RNF180: variants seen among roughly 807,000 people sequenced by gnomAD.
The protein encoded by RNF180 is E3 ubiquitin-protein ligase RNF180.
A neutral mutation model predicts 59.2 loss-of-function variants in RNF180; 38 were observed. The observed-to-expected ratio is 0.64, with a 90% CI of 0.50 to 0.84. RNF180 has a LOEUF of 0.84. Among genes scored for constraint, RNF180 ranks in the 40% least tolerant of loss-of-function variants. RNF180 has a pLI of 0.00. For synonymous variants in RNF180, 262 were observed against 240.3 expected (o/e 1.09, Z -0.84); for missense variants, 705 against 700.9 (o/e 1.01, Z -0.07).
At chr5:64,293,595 G>A (rs931333300) in intron 5 of RNF180, among the ~76,000 whole-genome samples, 3 of 151,812 alleles carry the variant, frequency 2.0e-5, no homozygotes, top group Non-Finnish European at 2.9e-5. Context: ...TAGTAGCTGA[G>A]AATGTAGAAT....
intron 1 of RNF180, among the ~76,000 whole-genome samples, chr5:64,194,178 C>T (rs1026303541): frequency 3.3e-5 from 5 of 152,210 alleles, no homozygotes; most frequent in African/African-American, 1.2e-4. Context: ...CAACAGTCCC[C>T]GGTGTGTGAT....
At chr5:64,186,885 C>T (rs573515650) in intron 1 of RNF180, among the ~76,000 whole-genome samples, 1 of 152,252 alleles carries the variant, frequency 6.6e-6, no homozygotes, top group African/African-American at 2.4e-5. Flanking sequence ...GTACAACTCT[C>T]TTAATTCCGC....
At chr5:64,335,192 G>C (rs1745068948) in intron 7 of RNF180, among the ~76,000 whole-genome samples, 1 of 151,820 alleles carries the variant, frequency 6.6e-6, no homozygotes, top group African/African-American at 2.4e-5. Context: ...ATTTTCTGTT[G>C]GTTGTATTTT....
At chr5:64,309,492 C>G (rs1340280216) in intron 5 of RNF180, among the ~76,000 whole-genome samples, 1 of 151,536 alleles carries the variant, frequency 6.6e-6, no homozygotes. Flanking sequence ...GTTTGTCAGA[C>G]TGTTTTAGCC....
intron 5 of RNF180, among the ~76,000 whole-genome samples, chr5:64,228,319 G>A (rs1051059898): frequency 2.6e-5 from 4 of 152,052 alleles, no homozygotes; most frequent in Non-Finnish European, 5.9e-5. Flanking sequence ...TTCAAGGCCA[G>A]CTGGAGCAAC....
chr5:64,369,508 G>T, intron 7 of RNF180, 107 bp from the exon 8 acceptor site: 2 of 591,604 alleles, frequency 3.4e-6, no homozygotes, highest in Middle Eastern at 6.3e-4. Context: ...ACATAACTCC[G>T]CTCAGTGAAA....
intron 7 of RNF180, among the ~76,000 whole-genome samples, chr5:64,334,115 C>T (rs1057392778): frequency 1.7e-4 from 26 of 152,066 alleles, no homozygotes; most frequent in African/African-American, 6.3e-4. Flanking sequence ...ACAAAAGGCT[C>T]CAGCAGTTTT....
intron 1 of RNF180, among the ~76,000 whole-genome samples, chr5:64,191,613 T>G (rs1220129048): frequency 6.6e-6 from 1 of 152,256 alleles, no homozygotes; most frequent in African/African-American, 2.4e-5. Flanking sequence ...TGTTGTCTAA[T>G]GACTTTAAAG....
chr5:64,189,750 G>A (rs753330877), intron 1 of RNF180, among the ~76,000 whole-genome samples: 51 of 152,274 alleles, frequency 3.3e-4, no homozygotes, highest in Non-Finnish European at 1.9e-4. Flanking sequence ...AGCATGTTTT[G>A]GAGAGGACAC....
intron 5 of RNF180, among the ~76,000 whole-genome samples, chr5:64,228,632 T>C (rs912534689): frequency 2.0e-5 from 3 of 152,190 alleles, no homozygotes; most frequent in African/African-American, 7.2e-5. Flanking sequence ...TTATCACAGA[T>C]GTTATTTTCT....
intron 1 of RNF180, among the ~76,000 whole-genome samples, chr5:64,181,893 T>TG (rs1470396553): frequency 6.6e-6 from 1 of 152,052 alleles, no homozygotes; most frequent in Non-Finnish European, 1.5e-5. Flanking sequence ...CTGCAAATAG[T>TG]GAAATATTTA....
At chr5:64,350,419 C>A (rs1745752120) in intron 7 of RNF180, among the ~76,000 whole-genome samples, 1 of 152,114 alleles carries the variant, frequency 6.6e-6, no homozygotes, top group South Asian at 2.1e-4. Context: ...TTAATTAGAT[C>A]CCATTTGTCA....
chr5:64,267,827 G>GT (rs1744777266), intron 5 of RNF180, among the ~76,000 whole-genome samples: 1 of 152,072 alleles, frequency 6.6e-6, no homozygotes, highest in Non-Finnish European at 1.5e-5. Flanking sequence ...AATGATTAGT[G>GT]TAAGTAATAT....
rs565586418 is a variant in RNF180 at position 64,287,475 on chromosome 5, G to A, written c.1228-37711G>A. Among the ~76,000 whole-genome samples, 10 of 152,202 alleles carry A rather than the reference G, an allele frequency of 6.6e-5. No individual in the cohort carries two copies. In the East Asian group the frequency reaches 1.9e-3, roughly 29 times the overall value. ...TTCTCTTAAGTTTCCAGGTTATCCG[G>A]GAACACAGATGTCCTCTGGTAAATG... On this transcript the variant is annotated intron_variant, in intron 5 of 7. Coordinates refer to ENST00000389100, the MANE Select transcript of RNF180 (RefSeq NM_001113561.2).
At chr5:64,310,436 A>G (rs1234506219) in intron 5 of RNF180, among the ~76,000 whole-genome samples, 1 of 151,480 alleles carries the variant, frequency 6.6e-6, no homozygotes, top group East Asian at 1.9e-4. Flanking sequence ...TCAATCTTTT[A>G]GCCTCTGAGT....
chr5:64,359,438 G>A (rs1209818086), intron 7 of RNF180, among the ~76,000 whole-genome samples: 1 of 152,096 alleles, frequency 6.6e-6, no homozygotes, highest in Non-Finnish European at 1.5e-5. Flanking sequence ...GCCTTCCTTT[G>A]AGAAGTGTCT....
At position 64,288,487 on chromosome 5, in the gene RNF180, G is replaced by A. The variant is rs563116867; in HGVS notation, c.1228-36699G>A. On this transcript the variant is annotated intron_variant, in intron 5 of 7. Transcript: ENST00000389100. ...AATGAATCTATAAATTACTTGGAGCGGTATGGCCATTTTCACGATATGATT... is the reference window on the plus strand; with the variant it reads ...AATGAATCTATAAATTACTTGGAGCAGTATGGCCATTTTCACGATATGATT... 1.8e-4 allele frequency among the ~76,000 whole-genome samples: 28 copies of A among 152,196 alleles called. 2 individuals are homozygous for A. Among genetic ancestry groups the A allele is most frequent in the African/African-American group, 4.8e-4 (20 of 41,520 alleles).
chr5:64,262,845 A>G (rs1267137140), intron 5 of RNF180, among the ~76,000 whole-genome samples: 4 of 152,202 alleles, frequency 2.6e-5, no homozygotes, highest in Non-Finnish European at 5.9e-5. Context: ...AACCTTCCCT[A>G]CGTTCTCCAA....
chr5:64,204,894 C>A (rs1486298322), intron 2 of RNF180, among the ~76,000 whole-genome samples: 1 of 152,046 alleles, frequency 6.6e-6, no homozygotes, highest in Non-Finnish European at 1.5e-5. Context: ...CCTGAGGGTG[C>A]CCTGGGCTGT....
Sources: gnomAD v4.1 joint callset for allele counts (sites outside exome capture counted in the v4.1 genomes callset) on GRCh38, gnomAD v4.1.1 for gene constraint, MANE v1.5 for transcripts, NCBI Gene and HGNC (gene_info 2026-07-23, HGNC 2026-07-21) for gene names.